VTI1A: variants seen among roughly 807,000 people sequenced by gnomAD.
VTI1A encodes the protein vesicle transport through interaction with t-SNAREs 1A.
VTI1A carries 22 observed loss-of-function variants against 34.9 expected under a neutral mutation model. The ratio of observed to expected loss-of-function variants is 0.63; its 90% confidence interval spans 0.45 to 0.90. The LOEUF (loss-of-function observed/expected upper bound fraction) is 0.90. Ranked by LOEUF, VTI1A falls within the 40% of genes least tolerant of loss-of-function variation. The probability of loss-of-function intolerance (pLI) is 0.00; values close to 1 mark genes in which losing one functional copy is unlikely to be tolerated. For synonymous variants in VTI1A, 87 were observed against 97.3 expected, an observed-to-expected ratio of 0.89 and a Z score of 0.62; for missense variants, 268 against 275.6, an observed-to-expected ratio of 0.97 and a Z score of 0.20.
intron 5 of VTI1A, among the ~76,000 whole-genome samples, chr10:112,556,419 A>T (rs1161168973): frequency 5.9e-5 from 9 of 152,022 alleles, no homozygotes; most frequent in African/African-American, 2.2e-4. Context: ...AAAACCTCAT[A>T]AATGATTCAG....
At chr10:112,466,928 T>G (rs1360490122) in intron 3 of VTI1A, among the ~76,000 whole-genome samples, 1 of 152,182 alleles carries the variant, frequency 6.6e-6, no homozygotes, top group African/African-American at 2.4e-5. Context: ...TTCATATGTC[T>G]TCCCTCTTCA....
the VTI1A span, chr10:112,825,242 G>T: frequency 6.5e-6 from 1 of 153,102 alleles, no homozygotes; most frequent in Non-Finnish European, 1.5e-5. Flanking sequence ...CACAGCTCCA[G>T]CTCCAGCTCC....
At chr10:112,714,871 T>G (rs984933561) in intron 7 of VTI1A, among the ~76,000 whole-genome samples, 1 of 152,218 alleles carries the variant, frequency 6.6e-6, no homozygotes. Context: ...CATCTTGAAA[T>G]TATTATGAGC....
chr10:112,517,865 T>G (rs556190552), intron 3 of VTI1A, among the ~76,000 whole-genome samples: 1 of 152,044 alleles, frequency 6.6e-6, no homozygotes, highest in South Asian at 2.1e-4. Context: ...AAATATAATG[T>G]GGAGTCTTGG....
intron 7 of VTI1A, among the ~76,000 whole-genome samples, chr10:112,715,830 C>T (rs892120384): frequency 3.3e-5 from 5 of 152,202 alleles, no homozygotes; most frequent in African/African-American, 1.2e-4. Context: ...CTTGATATCA[C>T]CTGTTGAACA....
At chr10:112,471,063 C>CCAGCTT (rs1182876635) in intron 3 of VTI1A, among the ~76,000 whole-genome samples, 1 of 152,118 alleles carries the variant, frequency 6.6e-6, no homozygotes, top group Non-Finnish European at 1.5e-5. Context: ...ATGCAAATCT[C>CCAGCTT]CAGCTTTTCA....
intron 5 of VTI1A, among the ~76,000 whole-genome samples, chr10:112,594,523 C>T (rs1268933025): frequency 6.6e-6 from 1 of 151,968 alleles, no homozygotes; most frequent in Non-Finnish European, 1.5e-5. Context: ...CAATAACAGA[C>T]AAACAGAGCC....
intron 5 of VTI1A, among the ~76,000 whole-genome samples, chr10:112,602,939 G>T (rs1264733508): frequency 1.3e-5 from 2 of 152,184 alleles, no homozygotes; most frequent in African/African-American, 4.8e-5. Context: ...TAAAGCAGAT[G>T]TGCTGCTTAA....
intron 7 of VTI1A, among the ~76,000 whole-genome samples, chr10:112,696,057 G>A (rs6585172): frequency 2.0e-5 from 3 of 150,924 alleles, no homozygotes; most frequent in Non-Finnish European, 4.4e-5. Flanking sequence ...TTACTGAGTA[G>A]GCCATCTCTA....
At chr10:112,605,803 T>C (rs901359890) in intron 5 of VTI1A, among the ~76,000 whole-genome samples, 1 of 152,058 alleles carries the variant, frequency 6.6e-6, no homozygotes, top group South Asian at 2.1e-4. Flanking sequence ...CACAGGGGTA[T>C]GGGAATTGGC....
At chr10:112,671,637 T>C (rs1215688613) in intron 7 of VTI1A, among the ~76,000 whole-genome samples, 2 of 152,218 alleles carry the variant, frequency 1.3e-5, no homozygotes, top group East Asian at 1.9e-4. Context: ...ATTTTACGTA[T>C]GGTCTGTTGT....
intron 5 of VTI1A, among the ~76,000 whole-genome samples, chr10:112,598,914 T>C (rs993110558): frequency 7.2e-5 from 11 of 152,182 alleles, no homozygotes; most frequent in Admixed American, 1.3e-4. Context: ...AGTTTATTTT[T>C]GAGAGGAGAG....
chr10:112,752,497 A>G lies in VTI1A; in HGVS notation c.561-62793A>G, dbSNP rs552788259. On this transcript the variant is annotated intron_variant, in intron 7 of 7. Coordinates refer to ENST00000393077, the MANE Select transcript of VTI1A (RefSeq NM_145206.4). The stretch of plus-strand genomic sequence containing the variant: ...GCATTTCTGTTGCTCAAACTTTTTG[A>G]CCTTTGTGCTATTTGAGAAATCTTT... The G allele has an allele frequency of 4.8e-5, 47 of 985,338 alleles. No individual in the cohort carries two copies. In the African/African-American group the frequency reaches 6.8e-4, roughly 14 times the overall value. The allele number at this position is 985,338 out of a possible 1,614,324, so 61.0% of individuals were successfully genotyped here.
intron 3 of VTI1A, among the ~76,000 whole-genome samples, chr10:112,503,234 T>C (rs1237317785): frequency 1.3e-5 from 2 of 152,194 alleles, no homozygotes; most frequent in Non-Finnish European, 2.9e-5. Flanking sequence ...TGTATATTTG[T>C]ACCCATTAAT....
At chr10:112,663,246 A>G (rs1379755904) in intron 5 of VTI1A, among the ~76,000 whole-genome samples, 2 of 152,186 alleles carry the variant, frequency 1.3e-5, no homozygotes, top group African/African-American at 2.4e-5. Context: ...GATTTCTCTC[A>G]TCCCTATAAA....
intron 5 of VTI1A, among the ~76,000 whole-genome samples, chr10:112,622,650 C>A (rs751878584): frequency 6.6e-6 from 1 of 152,126 alleles, no homozygotes; most frequent in Non-Finnish European, 1.5e-5. Context: ...TACCCAGAGT[C>A]AGTGTGTTCA....
At chr10:112,460,423 CTGAT>C in intron 1 of VTI1A, 97 bp from the exon 2 acceptor site, 1 of 1,051,000 alleles carries the variant, frequency 9.5e-7, no homozygotes, top group Non-Finnish European at 1.3e-6. Flanking sequence ...GTTCTGTAAT[CTGAT>C]TGACCAGAAA....
rs182268794 is a variant in VTI1A at position 112,553,431 on chromosome 10, G to C, written c.427+15101G>C. On this transcript the variant is annotated intron_variant, in intron 5 of 7. Coordinates refer to ENST00000393077, the MANE Select transcript of VTI1A (RefSeq NM_145206.4). ...AACTATATAAAACATCCAACACAGT[G>C]GTGATCCATAAATGTTAGTTTCCAT... 2.0e-5 allele frequency among the ~76,000 whole-genome samples: 3 copies of C among 152,338 alleles called. No individual in the cohort carries two copies. In the East Asian group the frequency reaches 5.8e-4, roughly 29 times the overall value.
At chr10:112,661,764 GTTTT>G (rs34974968) in intron 5 of VTI1A, among the ~76,000 whole-genome samples, 1 of 105,954 alleles carries the variant, frequency 9.4e-6, no homozygotes. Flanking sequence ...CTGCTGTTAA[GTTTT>G]TTTTTTTTTT....
Sources: allele counts gnomAD v4.1 joint callset (sites outside exome capture counted in the v4.1 genomes callset), GRCh38; gene constraint gnomAD v4.1.1; transcripts MANE v1.5; gene names NCBI Gene and HGNC (gene_info 2026-07-23, HGNC 2026-07-21).